Variants in SRPK2 observed in about 807,000 individuals in gnomAD.
The protein encoded by SRPK2 is SRSF protein kinase 2, also known as SFRS protein kinase 2.
A neutral mutation model predicts 90.8 loss-of-function variants in SRPK2; 21 were observed. That is an observed-to-expected ratio of 0.23 (90% CI 0.16 to 0.33). SRPK2 has a LOEUF of 0.33. Ranked by LOEUF, SRPK2 falls within the 10% of genes least tolerant of loss-of-function variation. SRPK2 has a pLI of 1.00. For synonymous variants in SRPK2, 288 were observed against 311.1 expected, an observed-to-expected ratio of 0.93 and a Z score of 0.78; for missense variants, 620 against 869.0, an observed-to-expected ratio of 0.71 and a Z score of 3.60.
chr7:105,124,963 C>A (rs1351015120), intron 15 of SRPK2, among the ~76,000 whole-genome samples: 2 of 151,764 alleles, frequency 1.3e-5, no homozygotes, highest in African/African-American at 4.8e-5. Context: ...GAAACCCTGT[C>A]TCTACTAAAA....
At chr7:105,364,392 T>C (rs909263805) in intron 2 of SRPK2, among the ~76,000 whole-genome samples, 2 of 143,336 alleles carry the variant, frequency 1.4e-5, no homozygotes, top group African/African-American at 2.6e-5. Context: ...TTCCATAGCA[T>C]ACCGTGTGTA....
At chr7:105,350,743 A>G (rs113860003) in intron 2 of SRPK2, among the ~76,000 whole-genome samples, 66,807 of 151,242 alleles carry the variant, frequency 0.44, 16,179 homozygotes, top group Non-Finnish European at 0.54. Context: ...GCTGGTCTCC[A>G]ACTCCTGACC....
intron 3 of SRPK2, among the ~76,000 whole-genome samples, chr7:105,196,825 G>A (rs555911666): frequency 1.6e-4 from 24 of 152,068 alleles, no homozygotes; most frequent in African/African-American, 1.4e-4. Context: ...TGAGACAGGC[G>A]GATCACTTGA....
chr7:105,256,489 G>A (rs1036310830), intron 2 of SRPK2, among the ~76,000 whole-genome samples: 1 of 152,080 alleles, frequency 6.6e-6, no homozygotes, highest in African/African-American at 2.4e-5. Flanking sequence ...CTGAATTGTT[G>A]GGACTACAGG....
At chr7:105,157,382 A>C (rs1324634876) in intron 7 of SRPK2, among the ~76,000 whole-genome samples, 1 of 152,158 alleles carries the variant, frequency 6.6e-6, no homozygotes, top group African/African-American at 2.4e-5. Flanking sequence ...AAATGATATA[A>C]CTGTGTCAGT....
At chr7:105,175,881 TA>T (rs1233621291) in intron 3 of SRPK2, among the ~76,000 whole-genome samples, 3 of 152,006 alleles carry the variant, frequency 2.0e-5, no homozygotes, top group African/African-American at 4.8e-5. Flanking sequence ...AATCTTCCCA[TA>T]AAAAATGCAT....
chr7:105,378,327 G>A (rs921098942), intron 2 of SRPK2, among the ~76,000 whole-genome samples: 23 of 151,990 alleles, frequency 1.5e-4, no homozygotes, highest in African/African-American at 4.6e-4. Flanking sequence ...ACATACATCC[G>A]AAAAAGAAGT....
At chr7:105,270,411 T>C (rs1448574916) in intron 2 of SRPK2, among the ~76,000 whole-genome samples, 9 of 15,162 alleles carry the variant, frequency 5.9e-4, no homozygotes, top group East Asian at 2.3e-3. Context: ...TCCTCTGCCC[T>C]TTTTTTTTTT....
At chr7:105,239,480 CCTT>C (rs1800537130) in intron 2 of SRPK2, among the ~76,000 whole-genome samples, 1 of 152,194 alleles carries the variant, frequency 6.6e-6, no homozygotes, top group Non-Finnish European at 1.5e-5. Context: ...TACATCTAGT[CCTT>C]CTCAACCAAA....
intron 7 of SRPK2, among the ~76,000 whole-genome samples, chr7:105,154,778 G>A (rs1806251482): frequency 6.6e-6 from 1 of 152,060 alleles, no homozygotes; most frequent in African/African-American, 2.4e-5. Context: ...CTGGGTTCAA[G>A]CAATTCCTGC....
intron 2 of SRPK2, chr7:105,244,712 G>C (rs1292033789): frequency 3.5e-6 from 4 of 1,156,552 alleles, no homozygotes; most frequent in Admixed American, 1.9e-5. Context: ...GACCAAGAAC[G>C]TGAGCGAGCC....
intron 2 of SRPK2, among the ~76,000 whole-genome samples, chr7:105,352,311 G>A (rs1283984488): frequency 2.6e-5 from 4 of 152,174 alleles, no homozygotes; most frequent in Non-Finnish European, 5.9e-5. Flanking sequence ...GGTCTTCTAA[G>A]GGTGTGTTAT....
At chr7:105,363,814 G>C (rs1585897336) in intron 2 of SRPK2, among the ~76,000 whole-genome samples, 1 of 152,140 alleles carries the variant, frequency 6.6e-6, no homozygotes, top group Non-Finnish European at 1.5e-5. Flanking sequence ...AGTGGATTAA[G>C]AAAATGTGGC....
intron 2 of SRPK2, among the ~76,000 whole-genome samples, chr7:105,303,345 G>A (rs2131288715): frequency 6.6e-6 from 1 of 152,136 alleles, no homozygotes; most frequent in Non-Finnish European, 1.5e-5. Flanking sequence ...GACAGCATTA[G>A]GAGAAACACC....
chr7:105,344,686 C>G (rs1226364967), intron 2 of SRPK2, among the ~76,000 whole-genome samples: 1 of 152,084 alleles, frequency 6.6e-6, no homozygotes, highest in Admixed American at 6.6e-5. Context: ...GCTCTACACT[C>G]TAACTTAAAG....
intron 2 of SRPK2, among the ~76,000 whole-genome samples, chr7:105,347,341 C>T (rs549151758): frequency 6.6e-6 from 1 of 151,920 alleles, no homozygotes; most frequent in Non-Finnish European, 1.5e-5. Context: ...GGATTACAGG[C>T]CACCATGCCT....
downstream of SRPK2, among the ~76,000 whole-genome samples, chr7:105,115,806 C>CA (rs1393873986): frequency 6.6e-6 from 1 of 152,152 alleles, no homozygotes; most frequent in East Asian, 1.9e-4. Flanking sequence ...AGTATACTAT[C>CA]ACCCTGATAA....
Position 105,170,844 on chromosome 7 carries a change from A to AAGAAAGG in SRPK2, c.230-1580_230-1579insCCTTTCT, listed in dbSNP as rs1563025074. Among the ~76,000 whole-genome samples the AAGAAAGG allele has an allele frequency of 1.3e-3, 14 of 10,674 alleles. 1 individual carries two copies. Among genetic ancestry groups the AAGAAAGG allele is most frequent in the African/African-American group, 3.7e-3 (14 of 3,800 alleles). 7.0% of individuals were successfully genotyped at this position (10,674 alleles called of 152,430 possible). ...GAGAAAGAGAAAGAAAGGAAGAAAG[A>AAGAAAGG]AAGAAAGAAAGAAAGAAAGAAAGAA... On this transcript the variant is annotated intron_variant, in intron 3 of 15. Coordinates refer to ENST00000393651, the MANE Select transcript of SRPK2 (RefSeq NM_182692.3).
At chr7:105,123,873 G>T (rs568415503) in intron 15 of SRPK2, among the ~76,000 whole-genome samples, 2 of 152,288 alleles carry the variant, frequency 1.3e-5, no homozygotes, top group South Asian at 2.1e-4. Context: ...CAGGAAAAAA[G>T]AACTCGAGGT....
Sources: gnomAD v4.1 joint callset for allele counts (sites outside exome capture counted in the v4.1 genomes callset) on GRCh38, gnomAD v4.1.1 for gene constraint, MANE v1.5 for transcripts, NCBI Gene and HGNC (gene_info 2026-07-23, HGNC 2026-07-21) for gene names.